The following DGKB variants were observed in gnomAD, a reference collection of about 807,000 sequenced individuals.
The protein encoded by DGKB is diacylglycerol kinase beta.
In DGKB, 67 loss-of-function variants were observed where a neutral mutation model predicts 114.3. The ratio of observed to expected loss-of-function variants is 0.59; its 90% CI spans 0.48 to 0.72. DGKB has a LOEUF of 0.72. Ranked by LOEUF, DGKB falls within the 30% of genes least tolerant of loss-of-function variation. DGKB has a pLI of 0.00. For synonymous variants in DGKB, 398 were observed against 323.1 expected (o/e 1.23, Z -2.49); for missense variants, 907 against 975.2 (o/e 0.93, Z 0.93).
intron 1 of DGKB, among the ~76,000 whole-genome samples, chr7:14,866,353 T>G (rs575009100): frequency 6.6e-6 from 1 of 152,274 alleles, no homozygotes; most frequent in Non-Finnish European, 1.5e-5. Flanking sequence ...GTTCTTCATT[T>G]TATAGAGTAG....
At chr7:14,964,053 G>A (rs528140451) in intron 1 of DGKB, among the ~76,000 whole-genome samples, 1 of 152,192 alleles carries the variant, frequency 6.6e-6, no homozygotes, top group Non-Finnish European at 1.5e-5. Flanking sequence ...GGAAGTTTGG[G>A]AATAGGGAGA....
Position 14,145,396 on chromosome 7 carries a change from A to G in DGKB, c.*3735T>C, listed in dbSNP as rs1781373939. Reference sequence around the variant, plus strand: ...GGAGAACATGATTCAATATTATTCAATTATTATTTAATTGTTCAGTATTGA... The same window carrying G: ...GGAGAACATGATTCAATATTATTCAGTTATTATTTAATTGTTCAGTATTGA... On this transcript the variant is annotated 3_prime_UTR_variant, in exon 26 of 26. Transcript: ENST00000402815. 6.6e-6 allele frequency: 1 copy of G among 151,972 alleles called. No homozygotes were observed. The highest frequency in any genetic ancestry group is 1.5e-5 in the Non-Finnish European group (1 of 68,024). The allele number at this position is 151,972 out of a possible 1,614,324, so 9.4% of individuals were successfully genotyped here. A position where few individuals can be genotyped will look rare whatever the true frequency, so the allele number is the denominator to read the frequency against.
At chr7:14,515,012 C>G (rs954979919) in intron 20 of DGKB, among the ~76,000 whole-genome samples, 8 of 152,092 alleles carry the variant, frequency 5.3e-5, no homozygotes, top group African/African-American at 1.9e-4. Flanking sequence ...GAGTGAGAAC[C>G]TGTCTCAAAA....
intron 21 of DGKB, among the ~76,000 whole-genome samples, chr7:14,383,912 G>A (rs1819900448): frequency 6.6e-6 from 1 of 152,168 alleles, no homozygotes; most frequent in African/African-American, 2.4e-5. Flanking sequence ...TGTCAACAGA[G>A]GACATGTTAA....
chr7:14,807,407 G>A (rs59587347), intron 2 of DGKB, among the ~76,000 whole-genome samples: 10,001 of 151,898 alleles, frequency 0.066, 503 homozygotes, highest in African/African-American at 0.13. Context: ...TAGTTATTAA[G>A]TAAAATTATC....
chr7:14,760,465 A>T (rs139194462), intron 2 of DGKB, among the ~76,000 whole-genome samples: 1 of 152,144 alleles, frequency 6.6e-6, no homozygotes, highest in Non-Finnish European at 1.5e-5. Context: ...ACCAAACTGC[A>T]TATCAAAAAG....
At chr7:14,874,020 G>A (rs1260413258) in intron 1 of DGKB, among the ~76,000 whole-genome samples, 2 of 151,966 alleles carry the variant, frequency 1.3e-5, no homozygotes, top group African/African-American at 4.8e-5. Context: ...AACATTTTTA[G>A]TAACAGTAAT....
At chr7:14,709,195 G>A (rs1460714013) in intron 6 of DGKB, among the ~76,000 whole-genome samples, 1 of 152,176 alleles carries the variant, frequency 6.6e-6, no homozygotes, top group African/African-American at 2.4e-5. Context: ...CATTTATGCA[G>A]CCAACAGGCA....
chr7:14,645,490 G>C (rs901606332), intron 13 of DGKB, among the ~76,000 whole-genome samples: 1 of 151,866 alleles, frequency 6.6e-6, no homozygotes, highest in African/African-American at 2.4e-5. Flanking sequence ...AGAGCCACTG[G>C]GTGCCCTTTC....
At chr7:14,638,537 A>G (rs766479395) in intron 13 of DGKB, among the ~76,000 whole-genome samples, 8 of 152,208 alleles carry the variant, frequency 5.3e-5, no homozygotes, top group Non-Finnish European at 1.0e-4. Context: ...CTATTCATTC[A>G]CTCAGCAAAT....
In DGKB at chr7:14,801,465, A is replaced by G. The variant is rs116528193; in HGVS notation, c.70+39729T>C. Among the ~76,000 whole-genome samples the G allele has an allele frequency of 3.0e-3, 457 of 152,254 alleles. 1 individual carries two copies. Among genetic ancestry groups the G allele is most frequent in the African/African-American group, 0.01 (432 of 41,528 alleles). On this transcript the variant is annotated intron_variant, in intron 2 of 25. Transcript: ENST00000402815. Reference sequence around the variant, plus strand: ...GTGTCTGTGAAGATGTTTCCATATGAGACTAGCATTTGAATTGGTGAACTT... The same window carrying G: ...GTGTCTGTGAAGATGTTTCCATATGGGACTAGCATTTGAATTGGTGAACTT...
At chr7:14,747,548 ATT>A in intron 4 of DGKB, among the ~76,000 whole-genome samples, 1 of 152,110 alleles carries the variant, frequency 6.6e-6, no homozygotes, top group Middle Eastern at 3.4e-3. Flanking sequence ...TCATCTGTAC[ATT>A]TTCCTTAGAT....
At chr7:14,293,140 AC>A (rs534806768) in intron 23 of DGKB, among the ~76,000 whole-genome samples, 106 of 152,324 alleles carry the variant, frequency 7.0e-4, no homozygotes, top group African/African-American at 2.5e-3. Context: ...TTAAATATGA[AC>A]ATGGTCAGTT....
chr7:14,397,788 A>G (rs1317843639), intron 21 of DGKB, among the ~76,000 whole-genome samples: 1 of 152,096 alleles, frequency 6.6e-6, no homozygotes, highest in Admixed American at 6.6e-5. Context: ...TTGTTAGGTA[A>G]TTTAAGCATT....
At chr7:14,591,706 A>T (rs1801733318) in intron 17 of DGKB, among the ~76,000 whole-genome samples, 1 of 151,956 alleles carries the variant, frequency 6.6e-6, no homozygotes, top group African/African-American at 2.4e-5. Context: ...TCTAATGTTA[A>T]TTGTTCTTAC....
intron 17 of DGKB, among the ~76,000 whole-genome samples, chr7:14,585,115 A>G (rs927525652): frequency 1.4e-4 from 22 of 152,318 alleles, no homozygotes; most frequent in African/African-American, 5.3e-4. Context: ...TCATCTGATT[A>G]TAATATCCAT....
intron 21 of DGKB, 29 bp from the exon 22 acceptor site, chr7:14,345,420 G>A (rs1189116676): frequency 3.3e-6 from 4 of 1,215,050 alleles, no homozygotes; most frequent in Admixed American, 2.1e-5. Flanking sequence ...AAGCACCTTA[G>A]GCAATTATCA....
chr7:14,326,634 A>G lies in DGKB; in HGVS notation c.2122+11881T>C, dbSNP rs1404191365. 3.3e-5 allele frequency among the ~76,000 whole-genome samples: 5 copies of G among 152,314 alleles called. No homozygotes were observed. In the East Asian group the frequency reaches 9.7e-4, roughly 29 times the overall value. On this transcript the variant is annotated intron_variant, in intron 23 of 25. Transcript: ENST00000402815. The stretch of plus-strand genomic sequence containing the variant: ...GAAGGAATTCCCTTCTCCTGTCTAT[A>G]CATTTTCAACCTCCTTTCCTTTGCG...
At chr7:14,880,167 G>A (rs1381808024) in intron 1 of DGKB, among the ~76,000 whole-genome samples, 1 of 152,080 alleles carries the variant, frequency 6.6e-6, no homozygotes, top group Non-Finnish European at 1.5e-5. Context: ...AGGTTCTAAG[G>A]TAAGAAAGAG....
Sources: allele counts gnomAD v4.1 joint callset (sites outside exome capture counted in the v4.1 genomes callset), GRCh38; gene constraint gnomAD v4.1.1; transcripts MANE v1.5; gene names NCBI Gene and HGNC (gene_info 2026-07-23, HGNC 2026-07-21).